FLACC1: variants seen among roughly 807,000 people sequenced by gnomAD.
The protein encoded by FLACC1 is flagellum associated containing coiled-coil domains 1.
FLACC1 carries 66 observed loss-of-function variants against 62.8 expected under a neutral mutation model. That is an observed-to-expected ratio of 1.05 (90% CI 0.86 to 1.29). FLACC1 has a LOEUF of 1.29. Ranked by LOEUF, FLACC1 falls within the 50% of genes most tolerant of loss-of-function variation. FLACC1 has a pLI of 0.00. For synonymous variants in FLACC1, 156 were observed against 161.0 expected (o/e 0.97, Z 0.24); for missense variants, 452 against 489.1 (o/e 0.92, Z 0.71).
intron 4 of FLACC1, among the ~76,000 whole-genome samples, chr2:201,347,884 G>A (rs1950949060): frequency 6.6e-6 from 1 of 152,166 alleles, no homozygotes; most frequent in Admixed American, 6.5e-5. Flanking sequence ...TCCCCTGAGG[G>A]GTCCCGGCAG....
At chr2:201,348,745 T>C (rs528329805) in intron 3 of FLACC1, among the ~76,000 whole-genome samples, 1 of 151,696 alleles carries the variant, frequency 6.6e-6, no homozygotes, top group East Asian at 1.9e-4. Context: ...GAAAATGAAA[T>C]GTATCCCATT....
At chr2:201,329,838 A>G (rs1343329691) in intron 9 of FLACC1, among the ~76,000 whole-genome samples, 1 of 152,240 alleles carries the variant, frequency 6.6e-6, no homozygotes, top group African/African-American at 2.4e-5. Flanking sequence ...ATCACACAAT[A>G]ACTTGTACAT....
Position 201,351,365 on chromosome 2 carries a change from G to A in FLACC1, c.40C>T (p.Pro14Ser), listed in dbSNP as rs775447073. The change falls in exon 2 of 15, where the codon CCC (proline) becomes TCC (serine). Residue 14 changes from proline to serine, a missense_variant. Pro to Ser is a moderately conservative substitution (Grantham distance 74, BLOSUM62 -1). Around this residue, in one of 3 missense-constraint regions of FLACC1, gnomAD observed 147 missense variants for 152.7 expected, o/e 0.96. Coordinates refer to ENST00000392257, the MANE Select transcript of FLACC1 (RefSeq NM_001127391.3). ...NPLIYCTCWD[P>S]WNLGPRKLIK... ...AGCTTCCGTGGTCCCAAGTTCCAGG[G>A]GTCCCAGCAGGTGCAGTAGATGAGA... is the stretch of plus-strand genomic sequence containing the variant. 10 of 1,613,966 alleles carry A rather than the reference G, an allele frequency of 6.2e-6. No homozygotes were observed. The East Asian group carries it at 2.0e-4, about 32-fold the overall frequency.
chr2:201,299,170 G>T, intron 12 of FLACC1, 68 bp downstream of exon 12: 1 of 1,410,834 alleles, frequency 7.1e-7, no homozygotes, highest in South Asian at 1.2e-5. Context: ...CCATTATACT[G>T]ACAGCTTGTT....
intron 12 of FLACC1, among the ~76,000 whole-genome samples, chr2:201,290,322 T>C (rs1026931116): frequency 2.0e-5 from 3 of 151,330 alleles, no homozygotes; most frequent in Non-Finnish European, 4.4e-5. Flanking sequence ...GCTCATCAAT[T>C]GCAACTAATG....
At chr2:201,358,411 ATTTTTTTTT>A (rs529458487), upstream of FLACC1, among the ~76,000 whole-genome samples, 1 of 120,426 alleles carries the variant, frequency 8.3e-6, no homozygotes, top group Non-Finnish European at 1.7e-5. Context: ...TGCCCAGCTA[ATTTTTTTTT>A]TTTTTTTTTT....
rs1403745638 is a variant in FLACC1, at chr2:201,344,281, C to A, written c.369-18G>T. The A allele has an allele frequency of 6.3e-7, 1 of 1,581,942 alleles. No individual in the cohort carries two copies. The highest frequency in any genetic ancestry group is 1.1e-5 in the South Asian group (1 of 90,340). On this transcript the variant is annotated intron_variant, in intron 5 of 14. Coordinates refer to ENST00000392257, the MANE Select transcript of FLACC1 (RefSeq NM_001127391.3). The stretch of plus-strand genomic sequence containing the variant: ...TGTTGGTCCTGTAGGAGAAGTAATT[C>A]TTCTATCATCCACAAAGCTTACCAT...
the FLACC1 span, among the ~76,000 whole-genome samples, chr2:201,363,884 G>C: frequency 6.6e-6 from 1 of 152,210 alleles, no homozygotes; most frequent in African/African-American, 2.4e-5. Context: ...CTTGGTAGTG[G>C]CTACCCACTG....
At chr2:201,339,943 C>T (rs1950772990) in intron 7 of FLACC1, among the ~76,000 whole-genome samples, 1 of 152,004 alleles carries the variant, frequency 6.6e-6, no homozygotes, top group Non-Finnish European at 1.5e-5. Flanking sequence ...ATGGCAGTAG[C>T]AATAGTGGGA....
In FLACC1 at chr2:201,351,300, C is replaced by A; in HGVS notation, c.105G>T (p.Gly35=). ...TPQLPRKNST[G]SSKLTPLVPA... is the part of the protein sequence containing the mutation. ...TCCCAGATAATTCTTACTTGGAACT[C>A]CCTGTGGAGTTCTTGCGTGGTAGTT... is the stretch of plus-strand genomic sequence containing the variant. The change falls in exon 2 of 15, where the codon GGG becomes GGT. Residue 35 remains glycine, a synonymous_variant. Coordinates refer to ENST00000392257, the MANE Select transcript of FLACC1 (RefSeq NM_001127391.3). 1.2e-6 allele frequency: 2 copies of A among 1,612,082 alleles called. No individual in the cohort carries two copies. Among genetic ancestry groups the A allele is most frequent in the East Asian group, 4.5e-5 (2 of 44,868 alleles).
chr2:201,324,663 C>G (rs1398194499), intron 9 of FLACC1, among the ~76,000 whole-genome samples: 1 of 152,162 alleles, frequency 6.6e-6, no homozygotes, highest in Non-Finnish European at 1.5e-5. Context: ...AGTATCTTCT[C>G]AGGCCATAGC....
upstream of FLACC1, among the ~76,000 whole-genome samples, chr2:201,361,081 A>G (rs1211070189): frequency 6.6e-6 from 1 of 152,188 alleles, no homozygotes; most frequent in Non-Finnish European, 1.5e-5. Context: ...CCATCTCAGA[A>G]GAGGAAGAAA....
At chr2:201,331,890 T>C (rs577376464) in intron 7 of FLACC1, among the ~76,000 whole-genome samples, 10 of 152,324 alleles carry the variant, frequency 6.6e-5, no homozygotes, top group African/African-American at 2.4e-4. Context: ...ATAGGTTCAT[T>C]GATTATAACA....
chr2:201,319,974 C>T (rs541815015), intron 9 of FLACC1, among the ~76,000 whole-genome samples: 2 of 152,310 alleles, frequency 1.3e-5, no homozygotes, highest in Admixed American at 1.3e-4. Context: ...ACTCACCCTA[C>T]ATTACTCCTG....
intron 9 of FLACC1, among the ~76,000 whole-genome samples, chr2:201,324,651 G>A (rs74574949): frequency 0.029 from 4,450 of 152,226 alleles, 89 homozygotes; most frequent in Middle Eastern, 0.048. Context: ...GAAATCCTAT[G>A]AAGTATCTTC....
chr2:201,354,604 C>T (rs1048136722), intron 1 of FLACC1, among the ~76,000 whole-genome samples: 1 of 152,044 alleles, frequency 6.6e-6, no homozygotes, highest in Admixed American at 6.6e-5. Context: ...CAGATGGGAT[C>T]GAGTGCCCAG....
At chr2:201,294,753 G>T (rs1263700780) in intron 12 of FLACC1, among the ~76,000 whole-genome samples, 1 of 152,186 alleles carries the variant, frequency 6.6e-6, no homozygotes, top group Non-Finnish European at 1.5e-5. Flanking sequence ...CAGATGACAT[G>T]ATTGTATATC....
intron 12 of FLACC1, 41 bp from the exon 13 acceptor site, chr2:201,289,826 C>CTAT: frequency 6.2e-7 from 1 of 1,614,012 alleles, no homozygotes; most frequent in African/African-American, 1.3e-5. Flanking sequence ...ATGCCAATGT[C>CTAT]TATTTATTTG....
intron 9 of FLACC1, among the ~76,000 whole-genome samples, chr2:201,313,915 C>T (rs912650163): frequency 2.0e-5 from 3 of 152,170 alleles, no homozygotes; most frequent in African/African-American, 7.2e-5. Context: ...CCAATACCAG[C>T]CTGGAACCTG....
Sources: gnomAD v4.1 joint callset for allele counts (sites outside exome capture counted in the v4.1 genomes callset) on GRCh38, gnomAD v4.1.1 for gene constraint, gnomAD v4.1.1 regional missense constraint, MANE v1.5 for transcripts, NCBI Gene and HGNC (gene_info 2026-07-23, HGNC 2026-07-21) for gene names.